Variants in MAST2 observed in about 807,000 individuals in gnomAD.
The protein encoded by MAST2 is microtubule associated serine/threonine kinase 2.
Under a neutral mutation model 147.4 loss-of-function variants are expected in MAST2, and 70 were observed. The observed-to-expected ratio is 0.47, with a 90% CI of 0.39 to 0.58. The LOEUF (loss-of-function observed/expected upper bound fraction) is 0.58, where lower values mean the gene tolerates loss of function less well. Ranked by LOEUF, MAST2 falls within the 20% of genes least tolerant of loss-of-function variation. MAST2 has a pLI of 0.00. For missense variants in MAST2, 2,080 were observed against 2,302.3 expected, an observed-to-expected ratio of 0.90 and a Z score of 1.98; for synonymous variants, 869 against 896.8, an observed-to-expected ratio of 0.97 and a Z score of 0.55.
chr1:45,810,572 G>A (rs1644259223), intron 1 of MAST2, among the ~76,000 whole-genome samples: 1 of 152,088 alleles, frequency 6.6e-6, no homozygotes, highest in Admixed American at 6.6e-5. Context: ...AGCACTTTGG[G>A]AGACCAAGGT....
chr1:45,832,471 T>C (rs1644988213), intron 3 of MAST2, among the ~76,000 whole-genome samples: 1 of 152,102 alleles, frequency 6.6e-6, no homozygotes, highest in Non-Finnish European at 1.5e-5. Flanking sequence ...TTTTTTGTCT[T>C]TTCAGTAGTG....
intron 3 of MAST2, among the ~76,000 whole-genome samples, chr1:45,837,844 T>C (rs1486775386): frequency 6.6e-6 from 1 of 152,200 alleles, no homozygotes; most frequent in Non-Finnish European, 1.5e-5. Context: ...CGTGGCACAA[T>C]CTCGGCTCAT....
At chr1:45,976,959 A>C (rs1644184952) in intron 5 of MAST2, among the ~76,000 whole-genome samples, 1 of 152,228 alleles carries the variant, frequency 6.6e-6, no homozygotes, top group Non-Finnish European at 1.5e-5. Context: ...GATTTATGAC[A>C]AAAGTGGCAC....
At position 45,933,235 on chromosome 1, in the gene MAST2, A is replaced by AGG. The variant is rs1484696705; in HGVS notation, c.501-26151_501-26150insGG. Among the ~76,000 whole-genome samples the AGG allele has an allele frequency of 7.0e-3, 415 of 59,070 alleles. 13 individuals carry two copies. Among genetic ancestry groups the AGG allele is most frequent in the African/African-American group, 0.021 (294 of 14,078 alleles). The allele number at this position is 59,070 out of a possible 152,430, so 38.8% of individuals were successfully genotyped here. A position where few individuals can be genotyped will look rare whatever the true frequency, so the allele number is the denominator to read the frequency against. On this transcript the variant is annotated intron_variant, in intron 4 of 28. Coordinates refer to ENST00000361297, the MANE Select transcript of MAST2 (RefSeq NM_015112.3). Reference sequence around the variant, plus strand: ...AAGACCCTGTCTCTTTAAAAAAAAAAAGCGGGGGGGTTGGGGGGGGCAAAT... The same window carrying AGG: ...AAGACCCTGTCTCTTTAAAAAAAAAAGGAGCGGGGGGGTTGGGGGGGGCAAAT...
At chr1:46,032,496 A>C (rs1372818212) in intron 25 of MAST2, 92 bp downstream of exon 25, 1 of 1,596,348 alleles carries the variant, frequency 6.3e-7, no homozygotes, top group Non-Finnish European at 8.6e-7. Context: ...CTCGGGGGTC[A>C]AAGGGTGGTG....
chr1:45,990,330 C>G (rs926369645), intron 5 of MAST2, among the ~76,000 whole-genome samples: 1 of 152,112 alleles, frequency 6.6e-6, no homozygotes, highest in Admixed American at 6.6e-5. Flanking sequence ...TGTTTGCTAT[C>G]TGTATATCTT....
intron 4 of MAST2, among the ~76,000 whole-genome samples, chr1:45,905,383 C>T (rs910070593): frequency 2.0e-5 from 3 of 151,930 alleles, no homozygotes; most frequent in Non-Finnish European, 2.9e-5. Flanking sequence ...GACTGGATTT[C>T]ACCATGTTTG....
rs769705861 is a variant in MAST2, at chr1:46,006,268, C to T, written c.775C>T (p.His259Tyr). ...ATCATGCTCCTCACAGGAAAAGCTG[C>T]ATCAGTTGCCTTTCCAGCCTACAGC... Reference protein sequence around the residue: ...SSSCSSQEKLHQLPFQPTADE... With the variant: ...SSSCSSQEKLYQLPFQPTADE... The change falls in exon 8 of 29, where the codon CAT becomes TAT. Residue 259 changes from histidine to tyrosine, a missense_variant. By Grantham distance (83) the His-to-Tyr change is moderately conservative. Coordinates refer to ENST00000361297, the MANE Select transcript of MAST2 (RefSeq NM_015112.3). 6.2e-7 allele frequency: 1 copy of T among 1,613,452 alleles called. No homozygotes were observed. Among genetic ancestry groups the T allele is most frequent in the Non-Finnish European group, 8.5e-7 (1 of 1,179,606 alleles).
chr1:46,004,563 A>T (rs147276192), intron 7 of MAST2, among the ~76,000 whole-genome samples: 101 of 152,302 alleles, frequency 6.6e-4, no homozygotes, highest in African/African-American at 2.4e-3. Flanking sequence ...AGCTGGTAAG[A>T]ATATTTTTTG....
chr1:45,924,843 G>A (rs1463921896), intron 4 of MAST2, among the ~76,000 whole-genome samples: 2 of 152,144 alleles, frequency 1.3e-5, no homozygotes, highest in East Asian at 1.9e-4. Context: ...ACACAGACAA[G>A]CACAGAGGGA....
At chr1:45,927,555 T>C (rs532655593) in intron 4 of MAST2, among the ~76,000 whole-genome samples, 2 of 152,318 alleles carry the variant, frequency 1.3e-5, no homozygotes, top group Admixed American at 1.3e-4. Flanking sequence ...GAAATACGGC[T>C]CTGTTCTGCC....
rs78449420 is a variant in MAST2, at chr1:45,997,438, G to C, written c.593-286G>C. Among the ~76,000 whole-genome samples, 61 of 152,306 alleles carry C rather than the reference G, an allele frequency of 4.0e-4. 1 individual carries two copies. In the Middle Eastern group the frequency reaches 0.034, roughly 85 times the overall value. ...AATGTTGGTTCACTTGACAAAGACA[G>C]ATTGAAGTCTCAGGTGTGTTCCTAG... On this transcript the variant is annotated intron_variant, in intron 5 of 28. Coordinates refer to ENST00000361297, the MANE Select transcript of MAST2 (RefSeq NM_015112.3).
chr1:45,944,090 T>C (rs1025108126), intron 4 of MAST2, among the ~76,000 whole-genome samples: 1 of 152,170 alleles, frequency 6.6e-6, no homozygotes, highest in Non-Finnish European at 1.5e-5. Context: ...ACCTCTTTTC[T>C]AGCGACAGTC....
At chr1:45,843,934 C>T (rs1645351841) in intron 3 of MAST2, among the ~76,000 whole-genome samples, 1 of 152,202 alleles carries the variant, frequency 6.6e-6, no homozygotes, top group South Asian at 2.1e-4. Context: ...ACATTAAATA[C>T]TTTGCCTGAA....
intron 1 of MAST2, among the ~76,000 whole-genome samples, chr1:45,820,974 A>C (rs1320131001): frequency 7.6e-6 from 1 of 130,732 alleles, no homozygotes; most frequent in Non-Finnish European, 1.5e-5. Context: ...ATCTTGGCTC[A>C]CTGCAGTGTT....
At chr1:45,956,573 A>G (rs936141382) in intron 4 of MAST2, among the ~76,000 whole-genome samples, 13 of 152,236 alleles carry the variant, frequency 8.5e-5, no homozygotes, top group African/African-American at 2.9e-4. Context: ...TTCAGTCCAT[A>G]CTATGGTCAG....
intron 4 of MAST2, among the ~76,000 whole-genome samples, chr1:45,923,328 G>A (rs957666906): frequency 1.2e-4 from 19 of 152,314 alleles, no homozygotes; most frequent in African/African-American, 3.1e-4. Flanking sequence ...TGCAGCCGGC[G>A]TCATGGCAGT....
At chr1:45,985,890 T>A (rs1462404500) in intron 5 of MAST2, among the ~76,000 whole-genome samples, 1 of 152,260 alleles carries the variant, frequency 6.6e-6, no homozygotes, top group Non-Finnish European at 1.5e-5. Flanking sequence ...ATTTTTCATT[T>A]CTATTTACAG....
intron 5 of MAST2, among the ~76,000 whole-genome samples, chr1:45,977,217 G>A (rs1157615395): frequency 1.3e-5 from 2 of 152,238 alleles, no homozygotes; most frequent in Non-Finnish European, 2.9e-5. Flanking sequence ...CACCGGGCAC[G>A]TGGCTCATGC....
Sources: allele counts gnomAD v4.1 joint callset (sites outside exome capture counted in the v4.1 genomes callset), GRCh38; gene constraint gnomAD v4.1.1; transcripts MANE v1.5; gene names NCBI Gene and HGNC (gene_info 2026-07-23, HGNC 2026-07-21).